ABCA3: variants seen among roughly 807,000 people sequenced by gnomAD.
The protein encoded by ABCA3 is ATP binding cassette subfamily A member 3.
A neutral mutation model predicts 172.8 loss-of-function variants in ABCA3; 88 were observed. The observed-to-expected ratio is 0.51, with a 90% CI of 0.43 to 0.61. The LOEUF (loss-of-function observed/expected upper bound fraction) is 0.61. Among genes scored for constraint, ABCA3 ranks in the 20% least tolerant of loss-of-function variants. The probability of loss-of-function intolerance (pLI) is 0.00; values close to 1 mark genes in which losing one functional copy is unlikely to be tolerated. For synonymous variants in ABCA3, 1,066 were observed against 983.8 expected (o/e 1.08, Z -1.56); for missense variants, 2,164 against 2,301.0 (o/e 0.94, Z 1.22).
At chr16:2,320,985 C>CTTTTTT (rs368507865) in intron 7 of ABCA3, among the ~76,000 whole-genome samples, 4 of 136,012 alleles carry the variant, frequency 2.9e-5, no homozygotes, top group African/African-American at 1.1e-4. Context: ...CTGCTATGTG[C>CTTTTTT]TTTTTTTTTT....
Position 2,286,564 on chromosome 16 carries a change from G to T in ABCA3, c.3278+130C>A. 8.0e-7 allele frequency: 1 copy of T among 1,249,908 alleles called. No individual in the cohort carries two copies. Among genetic ancestry groups the T allele is most frequent in the Non-Finnish European group, 1.1e-6 (1 of 902,072 alleles). The allele number at this position is 1,249,908 out of a possible 1,614,324, so 77.4% of individuals were successfully genotyped here. A position where few individuals can be genotyped will look rare whatever the true frequency, so the allele number is the denominator to read the frequency against. ...GGATGGTGGAGGAGGATGTGGCAGGGGTTTCCCACCAGACCCAGGGGCTTT... is the reference window on the plus strand; with the variant it reads ...GGATGGTGGAGGAGGATGTGGCAGGTGTTTCCCACCAGACCCAGGGGCTTT... On this transcript the variant is annotated intron_variant, in intron 22 of 32. Transcript: ENST00000301732. This position sits in a 1 kb window ranked among gnomAD's most constrained non-coding sequence, Gnocchi z 5.2.
intron 1 of ABCA3, among the ~76,000 whole-genome samples, chr16:2,340,368 G>T (rs1043345651): frequency 1.8e-4 from 28 of 151,802 alleles, no homozygotes; most frequent in African/African-American, 6.3e-4. Context: ...TGCAGGGAGC[G>T]CCCGGAGCCG....
At chr16:2,289,394 G>T in intron 20 of ABCA3, 40 bp downstream of exon 20, 1 of 1,548,054 alleles carries the variant, frequency 6.5e-7, no homozygotes, top group Non-Finnish European at 8.7e-7. Context: ...GGGGCTGCTC[G>T]CCCTTCCCCC....
At chr16:2,290,823 G>A (rs989002723) in intron 19 of ABCA3, among the ~76,000 whole-genome samples, 7 of 152,150 alleles carry the variant, frequency 4.6e-5, no homozygotes, top group East Asian at 3.9e-4. Context: ...CTATTCTGTC[G>A]CCTCCTCTAG....
chr16:2,339,498 A>G (rs1250093570), intron 1 of ABCA3, among the ~76,000 whole-genome samples: 1 of 152,206 alleles, frequency 6.6e-6, no homozygotes, highest in Non-Finnish European at 1.5e-5. Context: ...ATTTCTCATG[A>G]GGCAAACTTT....
intron 14 of ABCA3, among the ~76,000 whole-genome samples, chr16:2,298,814 G>GC (rs1400008154): frequency 2.0e-5 from 3 of 152,160 alleles, no homozygotes; most frequent in Non-Finnish European, 4.4e-5. Flanking sequence ...ATCAGCCCCC[G>GC]CCCCGGGTCC....
chr16:2,332,410 T>C (rs1451438298), intron 1 of ABCA3: 8 of 1,197,154 alleles, frequency 6.7e-6, no homozygotes, highest in Non-Finnish European at 8.6e-6. Flanking sequence ...GGTCCGGTCA[T>C]ACAGGATGAG....
chr16:2,314,317 C>T (rs1273244844), intron 10 of ABCA3, among the ~76,000 whole-genome samples: 4 of 152,136 alleles, frequency 2.6e-5, no homozygotes, highest in South Asian at 2.1e-4. Flanking sequence ...CAGGCTACAA[C>T]ACAGATGAAC....
rs1229429558 is a variant in ABCA3 at position 2,278,139 on chromosome 16, C to T, written c.4719-70G>A. On this transcript the variant is annotated intron_variant, in intron 30 of 32. Transcript: ENST00000301732. The surrounding 1 kb of genome is among the most constrained non-coding windows in gnomAD (Gnocchi z 4.4). The stretch of plus-strand genomic sequence containing the variant: ...GCTTGTGCAGACAGGAAGGCATTGG[C>T]TCTCCGATCAGGCTGTTCCTGATAC... The T allele has an allele frequency of 3.7e-6, 6 of 1,605,410 alleles. No individual in the cohort carries two copies. Among genetic ancestry groups the T allele is most frequent in the Non-Finnish European group, 5.1e-6 (6 of 1,176,880 alleles).
intron 18 of ABCA3, among the ~76,000 whole-genome samples, chr16:2,295,294 G>T (rs2093677921): frequency 1.3e-5 from 2 of 152,222 alleles, no homozygotes; most frequent in African/African-American, 4.8e-5. Flanking sequence ...GTTGAGCCTG[G>T]TGTCAGAAGG....
rs899107242 is a variant in ABCA3, at chr16:2,297,264, GCAGCCATT to G, written c.2263+57_2263+64del. On this transcript the variant is annotated intron_variant, in intron 17 of 32. Transcript: ENST00000301732. This position sits in a 1 kb window ranked among gnomAD's most constrained non-coding sequence, Gnocchi z 5.6. ...GATCTGAGGGCCCTTCATGAAGGTA[GCAGCCATT>G]CCCTCAGCACGGCAGCCAGGACACC... 1.3e-6 allele frequency: 2 copies of G among 1,560,214 alleles called. No homozygotes were observed. Among genetic ancestry groups the G allele is most frequent in the African/African-American group, 2.7e-5 (2 of 73,962 alleles).
chr16:2,312,621 C>T (rs1394047937), intron 10 of ABCA3, among the ~76,000 whole-genome samples: 1 of 151,764 alleles, frequency 6.6e-6, no homozygotes, highest in Non-Finnish European at 1.5e-5. Flanking sequence ...CTCCGCCTCC[C>T]GGGTTCAAGT....
intron 10 of ABCA3, among the ~76,000 whole-genome samples, chr16:2,310,878 G>A (rs1304327649): frequency 3.3e-5 from 5 of 152,034 alleles, no homozygotes; most frequent in African/African-American, 9.7e-5. Context: ...AGTCAGGAAC[G>A]ATGTTTCGCA....
intron 1 of ABCA3, among the ~76,000 whole-genome samples, chr16:2,333,665 G>C (rs1277038526): frequency 6.6e-6 from 1 of 152,004 alleles, no homozygotes; most frequent in African/African-American, 2.4e-5. Context: ...AAGGTACTAA[G>C]GATTTGGAAA....
chr16:2,281,262 G>A lies in ABCA3; in HGVS notation c.4165-41C>T, dbSNP rs2093654676. On this transcript the variant is annotated intron_variant, in intron 27 of 32. Transcript: ENST00000301732. The surrounding 1 kb of genome is among the most constrained non-coding windows in gnomAD (Gnocchi z 4.7). ...AGAAAACACGGAATGCGGAGGCCTG[G>A]ACGCAAAGCAGAGCAGTCTGAGCCT... The A allele has an allele frequency of 6.2e-7, 1 of 1,613,088 alleles. No individual in the cohort carries two copies. Among genetic ancestry groups the A allele is most frequent in the Non-Finnish European group, 8.5e-7 (1 of 1,179,908 alleles).
At chr16:2,303,884 G>A in intron 12 of ABCA3, 85 bp downstream of exon 12, 1 of 1,465,688 alleles carries the variant, frequency 6.8e-7, no homozygotes, top group East Asian at 2.3e-5. Flanking sequence ...GCATGCTGGG[G>A]ACTCAGAGGG....
intron 10 of ABCA3, among the ~76,000 whole-genome samples, chr16:2,312,087 C>T (rs2093707558): frequency 6.6e-6 from 1 of 152,192 alleles, no homozygotes; most frequent in Non-Finnish European, 1.5e-5. Context: ...AAAAAAATTA[C>T]ATTTGTTAAT....
Position 2,300,052 on chromosome 16 carries a change from C to G in ABCA3, c.1564G>C (p.Glu522Gln). Reference protein sequence around the residue: ...KALRNEYFEAEPEDLVAGIKI... With the variant: ...KALRNEYFEAQPEDLVAGIKI... Reference sequence around the variant, plus strand: ...ATCCCCGCCACCAGGTCCTCTGGCTCGGCTTCAAAGTACTCGTTTCTGAGT... The same window carrying G: ...ATCCCCGCCACCAGGTCCTCTGGCTGGGCTTCAAAGTACTCGTTTCTGAGT... Residue 522 changes from glutamate to glutamine, a missense_variant, in exon 13 of 33, where the codon GAG becomes CAG. Glu to Gln is a conservative substitution (Grantham distance 29). This residue lies in a region of ABCA3 where 1,343 missense variants were observed against 1,369.6 expected (regional missense o/e 0.98). Transcript: ENST00000301732. 6.2e-7 allele frequency: 1 copy of G among 1,613,532 alleles called. No individual in the cohort carries two copies. Among genetic ancestry groups the G allele is most frequent in the Non-Finnish European group, 8.5e-7 (1 of 1,179,930 alleles).
chr16:2,327,486 T>C (rs932213109), intron 3 of ABCA3, among the ~76,000 whole-genome samples: 19 of 152,190 alleles, frequency 1.2e-4, no homozygotes, highest in Admixed American at 4.6e-4. Context: ...CTGAACATAG[T>C]GTCCTGGGTG....
Sources: allele counts gnomAD v4.1 joint callset (sites outside exome capture counted in the v4.1 genomes callset), GRCh38; gene constraint gnomAD v4.1.1; regional missense constraint gnomAD v4.1.1; non-coding constraint Gnocchi (gnomAD v3.1); transcripts MANE v1.5; gene names NCBI Gene and HGNC (gene_info 2026-07-23, HGNC 2026-07-21).